The following PDE11A variants were observed in gnomAD, a reference collection of about 807,000 sequenced individuals.
The protein encoded by PDE11A is phosphodiesterase 11A, also known as dual 3',5'-cyclic-AMP and -GMP phosphodiesterase 11A.
A neutral mutation model predicts 100.5 loss-of-function variants in PDE11A; 100 were observed. That is an observed-to-expected ratio of 1.00 (90% CI 0.85 to 1.18). The LOEUF (loss-of-function observed/expected upper bound fraction) is 1.18, where lower values mean the gene tolerates loss of function less well. Among genes scored for constraint, PDE11A ranks in the 50% most tolerant of loss-of-function variants. PDE11A has a pLI of 0.00. For synonymous variants in PDE11A, 381 were observed against 420.8 expected, an observed-to-expected ratio of 0.91 and a Z score of 1.16; for missense variants, 1,141 against 1,152.6, an observed-to-expected ratio of 0.99 and a Z score of 0.15.
chr2:177,685,807 T>C (rs1466048776), intron 15 of PDE11A, among the ~76,000 whole-genome samples: 1 of 152,166 alleles, frequency 6.6e-6, no homozygotes, highest in East Asian at 1.9e-4. Context: ...CCTCAGGTCA[T>C]CCACCTGCCT....
intron 2 of PDE11A, among the ~76,000 whole-genome samples, chr2:178,000,058 G>A (rs896021238): frequency 1.3e-5 from 2 of 152,100 alleles, no homozygotes; most frequent in African/African-American, 4.8e-5. Context: ...AGGGGTGGGG[G>A]AAATGCTCTT....
intron 1 of PDE11A, among the ~76,000 whole-genome samples, chr2:178,053,239 T>C (rs1286494379): frequency 6.6e-6 from 1 of 152,168 alleles, no homozygotes; most frequent in Non-Finnish European, 1.5e-5. Flanking sequence ...TAATCCATCA[T>C]ATAAACAGAA....
intron 5 of PDE11A, among the ~76,000 whole-genome samples, chr2:177,848,520 G>A (rs1289120908): frequency 6.6e-6 from 1 of 152,196 alleles, no homozygotes; most frequent in Non-Finnish European, 1.5e-5. Flanking sequence ...TTTTAAGTGA[G>A]TTTCACGTAA....
At chr2:177,877,454 C>T (rs751293996) in intron 4 of PDE11A, among the ~76,000 whole-genome samples, 2 of 152,116 alleles carry the variant, frequency 1.3e-5, no homozygotes, top group African/African-American at 2.4e-5. Flanking sequence ...CACGAGCCAC[C>T]GCATCTGGCC....
intron 6 of PDE11A, among the ~76,000 whole-genome samples, chr2:177,830,668 CT>C (rs1458086137): frequency 3.3e-5 from 5 of 149,440 alleles, no homozygotes; most frequent in African/African-American, 1.2e-4. Flanking sequence ...GTTTTAAGTG[CT>C]GAGTTTGTGG....
At chr2:177,950,713 C>T (rs1245211032) in intron 2 of PDE11A, among the ~76,000 whole-genome samples, 2 of 152,182 alleles carry the variant, frequency 1.3e-5, no homozygotes, top group Non-Finnish European at 2.9e-5. Context: ...AGATCGAGAC[C>T]ATCCTGGCTA....
At chr2:177,673,750 A>G (rs2080723318) in intron 17 of PDE11A, among the ~76,000 whole-genome samples, 1 of 152,210 alleles carries the variant, frequency 6.6e-6, no homozygotes, top group Admixed American at 6.5e-5. Flanking sequence ...AAACTCTGGT[A>G]GTCATGCATT....
chr2:177,768,870 A>T (rs1243745429), intron 10 of PDE11A, among the ~76,000 whole-genome samples: 1 of 152,212 alleles, frequency 6.6e-6, no homozygotes, highest in African/African-American at 2.4e-5. Flanking sequence ...GTGAGGATTA[A>T]ATGAATTAAT....
At chr2:178,060,937 C>CTTTTTTT (rs71010855) in intron 1 of PDE11A, among the ~76,000 whole-genome samples, 4 of 75,672 alleles carry the variant, frequency 5.3e-5, no homozygotes, top group African/African-American at 1.6e-4. Flanking sequence ...TGTAAATATT[C>CTTTTTTT]TTTTTTTTTT....
At position 177,998,563 on chromosome 2, in the gene PDE11A, G is replaced by T; in HGVS notation, c.1071+15739C>A. ...ATAGATACATCTTCATCTTCACAGA[G>T]GTCTAACTGTGCATTGATAGCAGAA... On this transcript the variant is annotated intron_variant, in intron 2 of 19. Transcript: ENST00000286063. 2.3e-6 allele frequency: 3 copies of T among 1,302,824 alleles called. No individual in the cohort carries two copies. The South Asian group carries it at 3.6e-5, about 15-fold the overall frequency. 80.7% of individuals were successfully genotyped at this position (1,302,824 alleles called of 1,614,324 possible). A position where few individuals can be genotyped will look rare whatever the true frequency, so the allele number is the denominator to read the frequency against.
intron 2 of PDE11A, among the ~76,000 whole-genome samples, chr2:177,929,691 G>T (rs1293411276): frequency 5.3e-5 from 8 of 152,104 alleles, no homozygotes. Context: ...GGGGGTGTGG[G>T]AAGAGAGAGT....
intron 10 of PDE11A, among the ~76,000 whole-genome samples, chr2:177,729,222 T>C (rs1175791599): frequency 4.6e-5 from 7 of 152,152 alleles, no homozygotes; most frequent in African/African-American, 1.4e-4. Context: ...TTCCATGTAC[T>C]TGCAATTAAT....
At chr2:177,670,148 T>G (rs2105488369) in intron 17 of PDE11A, among the ~76,000 whole-genome samples, 1 of 152,320 alleles carries the variant, frequency 6.6e-6, no homozygotes, top group East Asian at 1.9e-4. Flanking sequence ...CCAGATTCAC[T>G]GTTCATAGCA....
chr2:178,051,207 T>A lies in PDE11A; in HGVS notation c.912+20319A>T, dbSNP rs529359500. On this transcript the variant is annotated intron_variant, in intron 1 of 19. Transcript: ENST00000286063. ...AGAGAGTGGGGGCCAATATTCAACA[T>A]TCTTAAAGAAAAGAATTTTCAACCC... Among the ~76,000 whole-genome samples the A allele has an allele frequency of 2.0e-4, 31 of 152,342 alleles. 1 individual carries two copies. The South Asian group carries it at 6.4e-3, about 32-fold the overall frequency.
rs114579332 is a variant in PDE11A at position 177,857,826 on chromosome 2, A to G, written c.1368-17443T>C. 7.2e-3 allele frequency among the ~76,000 whole-genome samples: 1,101 copies of G among 152,228 alleles called. 12 individuals are homozygous for G. The highest frequency in any genetic ancestry group is 0.025 in the African/African-American group (1,025 of 41,562). ...GATTCAAAGACATGACTGGGTTAAA[A>G]TAAAAAAATGGAAAAAGTATATATA... On this transcript the variant is annotated intron_variant, in intron 5 of 19. Transcript: ENST00000286063.
chr2:177,958,480 T>C (rs955569298), intron 2 of PDE11A, among the ~76,000 whole-genome samples: 2 of 152,164 alleles, frequency 1.3e-5, no homozygotes, highest in Non-Finnish European at 2.9e-5. Context: ...TACCTACAAA[T>C]GGAAATAAGA....
At chr2:177,971,823 T>A (rs547857441) in intron 2 of PDE11A, among the ~76,000 whole-genome samples, 2 of 151,688 alleles carry the variant, frequency 1.3e-5, no homozygotes, top group South Asian at 4.2e-4. Context: ...TCCAGACAAT[T>A]CAAAAAGAAA....
At position 178,072,373 on chromosome 2, in the gene PDE11A, A is replaced by G. The variant is rs935688055; in HGVS notation, c.65T>C (p.Phe22Ser). 3 of 1,613,620 alleles carry G rather than the reference A, an allele frequency of 1.9e-6. No individual in the cohort carries two copies. The highest frequency in any genetic ancestry group is 2.7e-5 in the African/African-American group (2 of 74,940). The change falls in exon 1 of 20, where the codon TTT becomes TCT. Residue 22 changes from phenylalanine (F) to serine (S), a missense_variant. By Grantham distance (155) the Phe-to-Ser change is radical. Transcript: ENST00000286063. ...ETFLDRHPEL[F>S]EDYLMRKGKQ... ...CCCCTTCCGCATCAAGTAATCTTCA[A>G]ACAACTCTGGGTGCCTGTCCAGGAA...
intron 10 of PDE11A, among the ~76,000 whole-genome samples, chr2:177,762,763 T>C (rs1455661697): frequency 6.6e-6 from 1 of 151,834 alleles, no homozygotes; most frequent in Non-Finnish European, 1.5e-5. Context: ...CTGGGGAGAG[T>C]GTCCTCGCTT....
Sources: gnomAD v4.1 joint callset for allele counts (sites outside exome capture counted in the v4.1 genomes callset) on GRCh38, gnomAD v4.1.1 for gene constraint, MANE v1.5 for transcripts, NCBI Gene and HGNC (gene_info 2026-07-23, HGNC 2026-07-21) for gene names.